Variants in STIM1 observed in about 807,000 individuals in gnomAD.
STIM1 encodes stromal interaction molecule 1.
A neutral mutation model predicts 74.7 loss-of-function variants in STIM1; 25 were observed. That is an observed-to-expected ratio of 0.33 (90% CI 0.24 to 0.47). The LOEUF (loss-of-function observed/expected upper bound fraction) is 0.47. Among genes scored for constraint, STIM1 ranks in the 20% least tolerant of loss-of-function variants. The pLI is 1.00. For missense variants in STIM1, 728 were observed against 920.8 expected, an observed-to-expected ratio of 0.79 and a Z score of 2.71; for synonymous variants, 328 against 348.8, an observed-to-expected ratio of 0.94 and a Z score of 0.66.
intron 2 of STIM1, among the ~76,000 whole-genome samples, chr11:3,971,267 C>T (rs1383324306): frequency 6.6e-6 from 1 of 150,770 alleles, no homozygotes; most frequent in Non-Finnish European, 1.5e-5. Flanking sequence ...CGGTGGCTCA[C>T]GCCTGTAATC....
intron 3 of STIM1, among the ~76,000 whole-genome samples, chr11:4,051,266 C>T (rs1018547079): frequency 2.0e-5 from 3 of 151,850 alleles, no homozygotes; most frequent in African/African-American, 7.3e-5. Context: ...CTAGATGATA[C>T]AGAATAAACT....
chr11:4,038,967 G>C (rs778985553), intron 3 of STIM1, among the ~76,000 whole-genome samples: 5 of 152,166 alleles, frequency 3.3e-5, no homozygotes, highest in Non-Finnish European at 5.9e-5. Flanking sequence ...GTAAATACCT[G>C]TATAGCAATA....
chr11:3,892,645 C>G, intron 1 of STIM1: 1 of 1,609,434 alleles, frequency 6.2e-7, no homozygotes. Context: ...CATCAAATTT[C>G]TCCCCGTAGA....
At chr11:4,018,252 A>G (rs1349097192) in intron 2 of STIM1, among the ~76,000 whole-genome samples, 2 of 150,712 alleles carry the variant, frequency 1.3e-5, no homozygotes, top group African/African-American at 4.9e-5. Context: ...GATCGAGACC[A>G]TCCTGGCTAA....
At chr11:4,076,860 T>A (rs2094440552) in intron 7 of STIM1, among the ~76,000 whole-genome samples, 2 of 151,766 alleles carry the variant, frequency 1.3e-5, no homozygotes, top group African/African-American at 4.8e-5. Context: ...TTTTGCTGAT[T>A]TCTAGTTTAA....
intron 1 of STIM1, among the ~76,000 whole-genome samples, chr11:3,923,940 A>G (rs926224034): frequency 2.6e-5 from 4 of 152,046 alleles, no homozygotes; most frequent in African/African-American, 4.8e-5. Flanking sequence ...AGAACTGACA[A>G]ACTATATGTA....
intron 1 of STIM1, among the ~76,000 whole-genome samples, chr11:3,949,876 C>G (rs1463437831): frequency 6.6e-6 from 1 of 152,170 alleles, no homozygotes; most frequent in Non-Finnish European, 1.5e-5. Flanking sequence ...TTGTACTCAT[C>G]TATGTGTATA....
chr11:3,901,509 C>CA (rs1565108115), intron 1 of STIM1, among the ~76,000 whole-genome samples: 1 of 152,166 alleles, frequency 6.6e-6, no homozygotes, highest in South Asian at 2.1e-4. Context: ...AAGGTACCTC[C>CA]ATGGCTCCTT....
chr11:4,001,501 A>G (rs1459982911), intron 2 of STIM1, among the ~76,000 whole-genome samples: 1 of 152,218 alleles, frequency 6.6e-6, no homozygotes, highest in East Asian at 1.9e-4. Context: ...TGACAAGTGC[A>G]GGAGAAATAA....
At chr11:4,054,580 A>C (rs1240721353) in intron 3 of STIM1, among the ~76,000 whole-genome samples, 1 of 152,090 alleles carries the variant, frequency 6.6e-6, no homozygotes. Flanking sequence ...CATGTGAGGG[A>C]TCTAGGTTAC....
At chr11:3,969,315 T>A (rs529786733) in intron 2 of STIM1, among the ~76,000 whole-genome samples, 1 of 151,470 alleles carries the variant, frequency 6.6e-6, no homozygotes, top group African/African-American at 2.4e-5. Flanking sequence ...CGAGACCCTG[T>A]CTCTACAAAA....
intron 11 of STIM1, 27 bp from the exon 12 acceptor site, chr11:4,086,450 C>T: frequency 6.2e-7 from 1 of 1,612,846 alleles, no homozygotes; most frequent in Non-Finnish European, 8.5e-7. Flanking sequence ...CTGGCCCCTC[C>T]TGACACTTTC....
intron 3 of STIM1, among the ~76,000 whole-genome samples, chr11:4,054,003 C>T (rs1394113509): frequency 6.6e-6 from 1 of 152,212 alleles, no homozygotes; most frequent in Non-Finnish European, 1.5e-5. Flanking sequence ...TAGGCACTAG[C>T]CACATCTAGC....
At chr11:3,903,639 A>G (rs1306183257) in intron 1 of STIM1, 1 of 152,280 alleles carries the variant, frequency 6.6e-6, no homozygotes, top group Non-Finnish European at 1.5e-5. Flanking sequence ...GGGTCAGTCC[A>G]TCTGGAAGCA....
chr11:3,984,772 C>T (rs1172149744), intron 2 of STIM1, among the ~76,000 whole-genome samples: 1 of 152,196 alleles, frequency 6.6e-6, no homozygotes, highest in Non-Finnish European at 1.5e-5. Context: ...TTTGGAGACT[C>T]ACTTTCCTCA....
rs199536145 is a variant in STIM1, at chr11:3,856,260, G to C, written c.-11G>C. The C allele has an allele frequency of 3.1e-5, 50 of 1,613,928 alleles. No homozygotes were observed. Among genetic ancestry groups the C allele is most frequent in the Non-Finnish European group, 4.2e-5 (49 of 1,180,034 alleles). ...TCCACATCAGACGCATGTTGACTGA[G>C]ACCTAGAGTCATGGATGTATGCGTC... is the stretch of plus-strand genomic sequence containing the variant. On this transcript the variant is annotated 5_prime_UTR_variant, in exon 1 of 13. Transcript: ENST00000526596.
intron 1 of STIM1, among the ~76,000 whole-genome samples, chr11:3,877,038 T>C (rs2091326595): frequency 6.6e-6 from 1 of 152,166 alleles, no homozygotes. Flanking sequence ...TAGCTGGTTA[T>C]TGGGAGAGTT....
chr11:4,032,046 A>G (rs111718527), intron 3 of STIM1, among the ~76,000 whole-genome samples: 1 of 152,192 alleles, frequency 6.6e-6, no homozygotes, highest in Admixed American at 6.5e-5. Context: ...ATTAATTTTT[A>G]TATGTGGTGT....
chr11:3,936,712 A>AT lies in STIM1; in HGVS notation c.140-30839dup, dbSNP rs536978660. Among the ~76,000 whole-genome samples the AT allele has an allele frequency of 2.4e-4, 36 of 152,338 alleles. 1 individual carries two copies. In the South Asian group the frequency reaches 7.5e-3, roughly 32 times the overall value. On this transcript the variant is annotated intron_variant, in intron 1 of 12. Transcript: ENST00000526596. ...CTGGACTTGGCACTATAGAGGCAAC[A>AT]TAGATAGTCTGGAGATGGAGAGTGG...
Sources: gnomAD v4.1 joint callset for allele counts (sites outside exome capture counted in the v4.1 genomes callset) on GRCh38, gnomAD v4.1.1 for gene constraint, MANE v1.5 for transcripts, NCBI Gene and HGNC (gene_info 2026-07-23, HGNC 2026-07-21) for gene names.